The following MGAT5 variants were observed in gnomAD, a reference collection of about 807,000 sequenced individuals.
MGAT5 encodes the protein alpha-1,6-mannosylglycoprotein 6-beta-N-acetylglucosaminyltransferase, also known as alpha-1,6-mannosylglycoprotein 6-beta-N-acetylglucosaminyltransferase A.
Under a neutral mutation model 94.3 loss-of-function variants are expected in MGAT5, and 30 were observed. That is an observed-to-expected ratio of 0.32 (90% confidence interval 0.24 to 0.43). The LOEUF is 0.43. Among genes scored for constraint, MGAT5 ranks in the 20% least tolerant of loss-of-function variants. MGAT5 has a pLI of 1.00. For missense variants in MGAT5, 691 were observed against 905.5 expected, an observed-to-expected ratio of 0.76 and a Z score of 3.04; for synonymous variants, 310 against 322.9, an observed-to-expected ratio of 0.96 and a Z score of 0.43.
At chr2:134,413,526 GC>G (rs1683789340) in intron 12 of MGAT5, among the ~76,000 whole-genome samples, 1 of 152,194 alleles carries the variant, frequency 6.6e-6, no homozygotes, top group African/African-American at 2.4e-5. Context: ...ATTTGCAGAA[GC>G]CTCATTTGAA....
At chr2:134,428,318 A>G (rs752223758) in intron 13 of MGAT5, 47 bp from the exon 14 acceptor site, 5 of 1,573,948 alleles carry the variant, frequency 3.2e-6, no homozygotes, top group Non-Finnish European at 4.4e-6. Flanking sequence ...GAGGTGCTAC[A>G]TGTTCTCTGT....
chr2:134,328,443 A>C lies in MGAT5; in HGVS notation c.574-7774A>C, dbSNP rs116192052. On this transcript the variant is annotated intron_variant, in intron 4 of 15. Coordinates refer to ENST00000281923, the MANE Select transcript of MGAT5 (RefSeq NM_002410.5). ...GCTTTGAGCTTTCCCTTGAGTTTTC[A>C]GTCTGGTTTCTCCTCATTGAGGTCA... Among the ~76,000 whole-genome samples the C allele has an allele frequency of 4.0e-3, 602 of 152,194 alleles. 3 individuals are homozygous for C. The highest frequency in any genetic ancestry group is 0.013 in the African/African-American group (560 of 41,546).
chr2:134,299,288 A>T (rs114265826), intron 2 of MGAT5, among the ~76,000 whole-genome samples: 1 of 152,172 alleles, frequency 6.6e-6, no homozygotes, highest in Non-Finnish European at 1.5e-5. Flanking sequence ...CAATTAGAGG[A>T]TGGTCAAAGC....
At chr2:134,389,247 A>G (rs1334342548) in intron 10 of MGAT5, among the ~76,000 whole-genome samples, 2 of 152,062 alleles carry the variant, frequency 1.3e-5, no homozygotes, top group East Asian at 1.9e-4. Flanking sequence ...GTCTTTATGA[A>G]CTCACTTAAT....
intron 1 of MGAT5, among the ~76,000 whole-genome samples, chr2:134,236,722 G>A (rs1009429909): frequency 2.0e-5 from 3 of 152,148 alleles, no homozygotes; most frequent in African/African-American, 4.8e-5. Context: ...ACAGGGACAC[G>A]CCAATAGGGC....
intron 12 of MGAT5, among the ~76,000 whole-genome samples, chr2:134,420,193 G>T (rs1684217834): frequency 6.6e-6 from 1 of 152,138 alleles, no homozygotes. Flanking sequence ...TCGCCTCTCA[G>T]TCTCAGAATC....
Position 134,451,601 on chromosome 2 carries a change from A to C in MGAT5, c.*2754A>C, listed in dbSNP as rs1406139648. 6.6e-6 allele frequency: 1 copy of C among 152,226 alleles called. No individual in the cohort carries two copies. Among genetic ancestry groups the C allele is most frequent in the Non-Finnish European group, 1.5e-5 (1 of 68,046 alleles). The allele number at this position is 152,226 out of a possible 1,614,324, so 9.4% of individuals were successfully genotyped here. On this transcript the variant is annotated 3_prime_UTR_variant, in exon 16 of 16. Coordinates refer to ENST00000281923, the MANE Select transcript of MGAT5 (RefSeq NM_002410.5). Reference sequence around the variant, plus strand: ...TTTTGCCATTGCTGATCTTGATAGAATCCTAAACCGATTTATAGCTGATAA... The same window carrying C: ...TTTTGCCATTGCTGATCTTGATAGACTCCTAAACCGATTTATAGCTGATAA...
chr2:134,393,485 A>G (rs796742773), intron 10 of MGAT5, among the ~76,000 whole-genome samples: 13 of 152,268 alleles, frequency 8.5e-5, no homozygotes, highest in African/African-American at 2.6e-4. Context: ...TATAATTATT[A>G]TAACAATGAG....
Position 134,375,014 on chromosome 2 carries a change from C to T in MGAT5, c.1380+12606C>T, listed in dbSNP as rs376738071. 5.3e-5 allele frequency among the ~76,000 whole-genome samples: 8 copies of T among 152,250 alleles called. No individual in the cohort carries two copies. The South Asian group carries it at 8.3e-4, about 16-fold the overall frequency. On this transcript the variant is annotated intron_variant, in intron 10 of 15. Transcript: ENST00000281923. Reference sequence around the variant, plus strand: ...CGAGGGACAGCAGAGCTCCAGGGAACGCTGGAGTTATCCCTGCTCAGTTGT... The same window carrying T: ...CGAGGGACAGCAGAGCTCCAGGGAATGCTGGAGTTATCCCTGCTCAGTTGT...
intron 1 of MGAT5, among the ~76,000 whole-genome samples, chr2:134,159,646 T>C (rs1382788180): frequency 6.6e-6 from 1 of 152,130 alleles, no homozygotes; most frequent in African/African-American, 2.4e-5. Context: ...GGCCAGGAGT[T>C]TGAGACCAGC....
chr2:134,343,428 T>C (rs550065063), intron 7 of MGAT5, among the ~76,000 whole-genome samples: 3 of 152,346 alleles, frequency 2.0e-5, no homozygotes, highest in African/African-American at 7.2e-5. Flanking sequence ...GAGGACTTAA[T>C]TCTAGTAGTC....
intron 1 of MGAT5, among the ~76,000 whole-genome samples, chr2:134,170,466 A>T (rs578064093): frequency 2.0e-5 from 3 of 152,228 alleles, no homozygotes; most frequent in African/African-American, 7.2e-5. Context: ...GCCCAAGTGT[A>T]CAAACCTCTG....
At chr2:134,310,498 A>G (rs1403848025) in intron 2 of MGAT5, among the ~76,000 whole-genome samples, 1 of 152,128 alleles carries the variant, frequency 6.6e-6, no homozygotes, top group Non-Finnish European at 1.5e-5. Flanking sequence ...TTCTATTTTC[A>G]ACTTAGATTA....
At chr2:134,170,180 T>C (rs1688138762) in intron 1 of MGAT5, among the ~76,000 whole-genome samples, 1 of 152,244 alleles carries the variant, frequency 6.6e-6, no homozygotes, top group African/African-American at 2.4e-5. Flanking sequence ...TGAAGTGCTC[T>C]TGATCTGACC....
intron 11 of MGAT5, among the ~76,000 whole-genome samples, chr2:134,408,436 G>A (rs1033096408): frequency 3.3e-5 from 5 of 152,194 alleles, no homozygotes. Flanking sequence ...TTGTGGTTTG[G>A]GTTTTTGTTT....
In MGAT5 at chr2:134,341,710, T is replaced by C. The variant is rs1442956114; in HGVS notation, c.928T>C (p.Leu310=). The C allele has an allele frequency of 1.1e-5, 18 of 1,613,038 alleles. No individual in the cohort carries two copies. Among genetic ancestry groups the C allele is most frequent in the Non-Finnish European group, 1.5e-5 (18 of 1,179,436 alleles). The change falls in exon 7 of 16, where the codon TTA becomes CTA. Residue 310 remains leucine (L), a synonymous_variant. Transcript: ENST00000281923. ...GAGTGATTTAATTACATCTCTGTACTTACTGGGCCATGACATTAGGATTTC... is the reference window on the plus strand; with the variant it reads ...GAGTGATTTAATTACATCTCTGTACCTACTGGGCCATGACATTAGGATTTC... ...QWSDLITSLY[L]LGHDIRISAS...
At chr2:134,188,697 A>G (rs1330028184) in intron 1 of MGAT5, among the ~76,000 whole-genome samples, 1 of 152,188 alleles carries the variant, frequency 6.6e-6, no homozygotes, top group African/African-American at 2.4e-5. Context: ...GACACCTCCT[A>G]GTATACTACA....
At chr2:134,285,089 T>C (rs894051917) in intron 2 of MGAT5, among the ~76,000 whole-genome samples, 4 of 152,212 alleles carry the variant, frequency 2.6e-5, no homozygotes, top group Non-Finnish European at 2.9e-5. Context: ...TAATTGTCTC[T>C]AGAGAAATAT....
intron 10 of MGAT5, among the ~76,000 whole-genome samples, chr2:134,375,829 C>A (rs771523144): frequency 1.3e-5 from 2 of 152,132 alleles, no homozygotes; most frequent in African/African-American, 4.8e-5. Flanking sequence ...GAGCACATCT[C>A]GTCAACTGGA....
Sources: allele counts gnomAD v4.1 joint callset (sites outside exome capture counted in the v4.1 genomes callset), GRCh38; gene constraint gnomAD v4.1.1; transcripts MANE v1.5; gene names NCBI Gene and HGNC (gene_info 2026-07-23, HGNC 2026-07-21).